The following DENND10 variants were observed in gnomAD, a reference collection of about 807,000 sequenced individuals.
The protein encoded by DENND10 is DENN domain-containing protein 10.
A neutral mutation model predicts 43.6 loss-of-function variants in DENND10; 24 were observed. The observed-to-expected ratio is 0.55, with a 90% CI of 0.40 to 0.77. DENND10 has a LOEUF of 0.77. Among genes scored for constraint, DENND10 ranks in the 30% least tolerant of loss-of-function variants. The pLI, the probability that DENND10 is intolerant of heterozygous loss-of-function variation, is 0.00. For synonymous variants in DENND10, 125 were observed against 157.6 expected, an observed-to-expected ratio of 0.79 and a Z score of 1.55; for missense variants, 303 against 429.9, an observed-to-expected ratio of 0.70 and a Z score of 2.61.
intron 7 of DENND10, among the ~76,000 whole-genome samples, chr10:119,130,171 AT>A (rs879301529): frequency 8.7e-4 from 118 of 135,818 alleles, no homozygotes; most frequent in East Asian, 2.3e-3. Flanking sequence ...TGCTCAGCTA[AT>A]TTTTTTTTTT....
intron 1 of DENND10, 105 bp downstream of exon 1, chr10:119,104,302 A>G (rs1844573831): frequency 2.7e-6 from 3 of 1,093,210 alleles, no homozygotes; most frequent in Admixed American, 3.7e-5. Context: ...CGCCGACCGC[A>G]TGAGGAGGGC....
At chr10:119,105,437 C>T (rs1369508083) in intron 1 of DENND10, 1 of 710,190 alleles carries the variant, frequency 1.4e-6, no homozygotes, top group South Asian at 2.0e-5. Flanking sequence ...CAGGCGTGCA[C>T]CACCACCCGA....
rs367836571 is a variant in DENND10 at position 119,135,791 on chromosome 10, T to TAAAAAAAAAAAAAAAAAAAAA, written c.898-675_898-655dup. Among the ~76,000 whole-genome samples, 114 of 64,004 alleles carry TAAAAAAAAAAAAAAAAAAAAA rather than the reference T, an allele frequency of 1.8e-3. 5 individuals are homozygous for TAAAAAAAAAAAAAAAAAAAAA. Among genetic ancestry groups the TAAAAAAAAAAAAAAAAAAAAA allele is most frequent in the East Asian group, 2.6e-3 (5 of 1,908 alleles). 42.0% of individuals were successfully genotyped at this position (64,004 alleles called of 152,430 possible). Reference sequence around the variant, plus strand: ...TACACTCAGAAAATGACTAAAATTGTAAAAAAAAAAAAAAAAAAAAAAAAA... The same window carrying TAAAAAAAAAAAAAAAAAAAAA: ...TACACTCAGAAAATGACTAAAATTGTAAAAAAAAAAAAAAAAAAAAAAAAAAAAAAAAAAAAAAAAAAAAAA... On this transcript the variant is annotated intron_variant, in intron 8 of 8. Coordinates refer to ENST00000361432, the MANE Select transcript of DENND10 (RefSeq NM_207009.4).
chr10:119,119,925 C>T (rs771784252), intron 4 of DENND10, among the ~76,000 whole-genome samples: 3 of 152,014 alleles, frequency 2.0e-5, no homozygotes, highest in Non-Finnish European at 2.9e-5. Flanking sequence ...GTATGCTTTA[C>T]AACATTTGCC....
chr10:119,118,936 C>G (rs924354716), intron 4 of DENND10, among the ~76,000 whole-genome samples: 1 of 150,822 alleles, frequency 6.6e-6, no homozygotes, highest in Non-Finnish European at 1.5e-5. Context: ...CTTTGCCTCC[C>G]AGGTTCAAGT....
chr10:119,113,585 G>A (rs1845088126), intron 3 of DENND10, among the ~76,000 whole-genome samples: 2 of 151,450 alleles, frequency 1.3e-5, no homozygotes, highest in Non-Finnish European at 2.9e-5. Flanking sequence ...AGAGATTTTT[G>A]GGGGCACTGA....
chr10:119,135,363 G>C (rs1846278833), intron 8 of DENND10, among the ~76,000 whole-genome samples: 1 of 152,100 alleles, frequency 6.6e-6, no homozygotes, highest in African/African-American at 2.4e-5. Context: ...AAGCAACCCA[G>C]TGTCCTTCAG....
At chr10:119,136,375 T>G in intron 8 of DENND10, 96 bp from the exon 9 acceptor site, 1 of 1,426,906 alleles carries the variant, frequency 7.0e-7, no homozygotes, top group Non-Finnish European at 9.5e-7. Context: ...TTTCATAGTT[T>G]ATAAACAGTC....
chr10:119,125,266 C>T (rs1845771488), intron 6 of DENND10, among the ~76,000 whole-genome samples: 1 of 151,998 alleles, frequency 6.6e-6, no homozygotes. Context: ...GCCATTGTGC[C>T]TGGCCGAACT....
At position 119,123,573 on chromosome 10, in the gene DENND10, G is replaced by C; in HGVS notation, c.694+4G>C. On this transcript the variant is annotated splice_donor_region_variant and intron_variant, in intron 6 of 8. Coordinates refer to ENST00000361432, the MANE Select transcript of DENND10 (RefSeq NM_207009.4). ...GAAGCCCTGCAGATGTGCACAGGTA[G>C]ACAAGAGGATCCCAGGGGAGGAACT... is the stretch of plus-strand genomic sequence containing the variant. The C allele has an allele frequency of 6.3e-7, 1 of 1,583,704 alleles. No homozygotes were observed. Among genetic ancestry groups the C allele is most frequent in the Non-Finnish European group, 8.7e-7 (1 of 1,153,376 alleles).
chr10:119,108,216 G>C (rs1244382661), intron 2 of DENND10, 52 bp downstream of exon 2: 1 of 1,326,128 alleles, frequency 7.5e-7, no homozygotes, highest in African/African-American at 1.5e-5. Flanking sequence ...TGGGCGCGGT[G>C]GCTCATGCCT....
chr10:119,121,449 T>C, intron 5 of DENND10, among the ~76,000 whole-genome samples: 1 of 142,944 alleles, frequency 7.0e-6, no homozygotes, highest in African/African-American at 2.7e-5. Flanking sequence ...TAGGTCCTTT[T>C]TTTTTTTTTT....
At chr10:119,114,287 C>CAT (rs1845136115) in intron 3 of DENND10, 1 of 151,808 alleles carries the variant, frequency 6.6e-6, no homozygotes, top group Non-Finnish European at 1.5e-5. Flanking sequence ...CACACACACA[C>CAT]ACAGGTCTGT....
intron 1 of DENND10, among the ~76,000 whole-genome samples, chr10:119,107,389 C>CT (rs1844745232): frequency 6.7e-6 from 1 of 150,174 alleles, no homozygotes; most frequent in Admixed American, 6.6e-5. Flanking sequence ...GGGAGAAACT[C>CT]TAACATCTTT....
chr10:119,129,610 C>A lies in DENND10; in HGVS notation c.790C>A (p.Pro264Thr), dbSNP rs112814472. The A allele has an allele frequency of 1.9e-6, 3 of 1,608,092 alleles. No homozygotes were observed. Among genetic ancestry groups the A allele is most frequent in the Non-Finnish European group, 2.6e-6 (3 of 1,174,694 alleles). Residue 264 changes from proline to threonine, a missense_variant, in exon 7 of 9, where the codon CCC becomes ACC. Coordinates refer to ENST00000361432, the MANE Select transcript of DENND10 (RefSeq NM_207009.4). ...GGCAGAGAGTGAGATTACCATTGCT[C>A]CCCTTGCAAAAGGTTTGTTCTCTGT... ...NLAESEITIA[P>T]LAKEAMAMGK...
chr10:119,133,915 C>T (rs1846193150), intron 8 of DENND10: 1 of 152,220 alleles, frequency 6.6e-6, no homozygotes, highest in African/African-American at 2.4e-5. Flanking sequence ...ACTAAAAGTG[C>T]TACCTAGATG....
chr10:119,121,600 G>A (rs1845582537), intron 5 of DENND10, among the ~76,000 whole-genome samples: 1 of 151,670 alleles, frequency 6.6e-6, no homozygotes, highest in African/African-American at 2.4e-5. Context: ...GACTACAGGT[G>A]CGCACCACCA....
At chr10:119,109,555 T>G (rs1188244517) in intron 2 of DENND10, among the ~76,000 whole-genome samples, 2 of 151,932 alleles carry the variant, frequency 1.3e-5, no homozygotes, top group African/African-American at 4.8e-5. Context: ...GGTAACAATT[T>G]AGAAACTGTA....
chr10:119,126,365 C>T (rs1031950665), intron 6 of DENND10, among the ~76,000 whole-genome samples: 8 of 152,184 alleles, frequency 5.3e-5, no homozygotes, highest in Non-Finnish European at 1.0e-4. Context: ...TTTAGTTTTT[C>T]GAGGAATTTC....
Sources: gnomAD v4.1 joint callset for allele counts (sites outside exome capture counted in the v4.1 genomes callset) on GRCh38, gnomAD v4.1.1 for gene constraint, MANE v1.5 for transcripts, NCBI Gene and HGNC (gene_info 2026-07-23, HGNC 2026-07-21) for gene names.